The following UBR7 variants were observed in gnomAD, a reference collection of about 807,000 sequenced individuals.
UBR7 encodes the protein ubiquitin protein ligase E3 component n-recognin 7, also known as putative E3 ubiquitin-protein ligase UBR7.
A neutral mutation model predicts 57.0 loss-of-function variants in UBR7; 22 were observed. The ratio of observed to expected loss-of-function variants is 0.39; its 90% CI spans 0.28 to 0.55. The LOEUF is 0.55. Among genes scored for constraint, UBR7 ranks in the 20% least tolerant of loss-of-function variants. The pLI is 0.69. For synonymous variants in UBR7, 167 were observed against 179.8 expected (o/e 0.93, Z 0.57); for missense variants, 395 against 513.2 (o/e 0.77, Z 2.23).
chr14:93,224,076 A>AT, intron 10 of UBR7: 1 of 1,030,942 alleles, frequency 9.7e-7, no homozygotes, highest in Non-Finnish European at 1.5e-6. Context: ...GGTGTGTGGC[A>AT]TTTGGGGGTG....
intron 10 of UBR7, among the ~76,000 whole-genome samples, chr14:93,224,790 G>A (rs1894811959): frequency 6.6e-6 from 1 of 152,206 alleles, no homozygotes; most frequent in Non-Finnish European, 1.5e-5. Context: ...ATGTTCATGG[G>A]TGTAATGGGG....
chr14:93,213,083 A>C (rs1021416855), intron 4 of UBR7, among the ~76,000 whole-genome samples: 1 of 152,106 alleles, frequency 6.6e-6, no homozygotes, highest in African/African-American at 2.4e-5. Flanking sequence ...GGTTGCAGTA[A>C]GCTGGGATTG....
Position 93,220,363 on chromosome 14 carries a change from G to C in UBR7, c.1075G>C (p.Asp359His). The C allele has an allele frequency of 6.2e-7, 1 of 1,613,770 alleles. No individual in the cohort carries two copies. Among genetic ancestry groups the C allele is most frequent in the South Asian group, 1.1e-5 (1 of 91,068 alleles). ...QATDRSDPLMDTLSSMNRVQQ... is the reference protein window; with the variant it reads ...QATDRSDPLMHTLSSMNRVQQ... ...CACTGACAGGAGCGATCCCCTAATG[G>C]ATACCCTTAGCAGCATGAATAGAGT... The change falls in exon 9 of 11, where the codon GAT (aspartate) becomes CAT (histidine). Residue 359 changes from aspartate to histidine, a missense_variant. Transcript: ENST00000013070.
chr14:93,215,931 G>C (rs907826829), intron 6 of UBR7, among the ~76,000 whole-genome samples: 8 of 152,138 alleles, frequency 5.3e-5, no homozygotes, highest in Admixed American at 1.3e-4. Context: ...GTCTTAGTCT[G>C]TCTGGGGTGC....
chr14:93,218,381 A>T, intron 6 of UBR7, 146 bp from the exon 7 acceptor site: 1 of 732,892 alleles, frequency 1.4e-6, no homozygotes, highest in African/African-American at 1.8e-5. Context: ...ACTGCACTCC[A>T]GTGTGGACGA....
chr14:93,224,457 C>G (rs1472022431), intron 10 of UBR7, among the ~76,000 whole-genome samples: 2 of 147,926 alleles, frequency 1.4e-5, no homozygotes, highest in African/African-American at 2.5e-5. Flanking sequence ...CGGCTCACTG[C>G]AACCTGTGCC....
intron 6 of UBR7, among the ~76,000 whole-genome samples, chr14:93,215,911 A>T (rs1439631305): frequency 6.6e-6 from 1 of 152,088 alleles, no homozygotes; most frequent in Non-Finnish European, 1.5e-5. Flanking sequence ...TCAGTTGGGG[A>T]GGAGGTGGTG....
Position 93,228,190 on chromosome 14 carries a change from T to C in UBR7, c.*1155T>C. On this transcript the variant is annotated 3_prime_UTR_variant, in exon 11 of 11. Coordinates refer to ENST00000013070, the MANE Select transcript of UBR7 (RefSeq NM_175748.4). ...CCACTTCCCTAACGACTATGAGATC[T>C]TTTTTTTGAAGATCCTCATGGAAGG... 1 of 520,938 alleles carries C rather than the reference T, an allele frequency of 1.9e-6. No individual in the cohort carries two copies. The highest frequency in any genetic ancestry group is 3.7e-6 in the Non-Finnish European group (1 of 270,766). 32.3% of individuals were successfully genotyped at this position (520,938 alleles called of 1,614,324 possible).
At chr14:93,218,411 T>TAAA in intron 6 of UBR7, 116 bp from the exon 7 acceptor site, 46 of 811,620 alleles carry the variant, frequency 5.7e-5, no homozygotes, top group Admixed American at 7.7e-5. Context: ...ACTCTGTCTG[T>TAAA]AAAAAAAAAA....
intron 10 of UBR7, among the ~76,000 whole-genome samples, chr14:93,224,483 A>G (rs1373734127): frequency 1.4e-5 from 2 of 142,630 alleles, no homozygotes; most frequent in African/African-American, 2.7e-5. Context: ...GGTTCATGTC[A>G]TTCTCCTGCC....
intron 10 of UBR7, among the ~76,000 whole-genome samples, chr14:93,224,877 T>G (rs1158914641): frequency 6.6e-6 from 1 of 152,230 alleles, no homozygotes; most frequent in Non-Finnish European, 1.5e-5. Context: ...AGGCATGCCC[T>G]CTTGATGCTG....
Position 93,207,297 on chromosome 14 carries a change from C to G in UBR7, c.6C>G (p.Ala2=), listed in dbSNP as rs145467017. The part of the protein sequence containing the change: M[A]GAEGAAGRQS... ...TGTTCGGCTGACAGTTGAGGATGGC[C>G]GGAGCCGAGGGCGCCGCTGGGCGGC... is the stretch of plus-strand genomic sequence containing the variant. The change falls in exon 1 of 11, where the codon GCC becomes GCG. Residue 2 remains alanine, a synonymous_variant. Coordinates refer to ENST00000013070, the MANE Select transcript of UBR7 (RefSeq NM_175748.4). 4 of 1,554,716 alleles carry G rather than the reference C, an allele frequency of 2.6e-6. No homozygotes were observed. Among genetic ancestry groups the G allele is most frequent in the South Asian group, 1.2e-5 (1 of 84,476 alleles).
chr14:93,224,537 C>T (rs1227081231), intron 10 of UBR7, among the ~76,000 whole-genome samples: 3 of 151,966 alleles, frequency 2.0e-5, no homozygotes, highest in Non-Finnish European at 2.9e-5. Context: ...GCCACCACGC[C>T]CGGCTAATGT....
intron 10 of UBR7, among the ~76,000 whole-genome samples, chr14:93,222,797 A>T (rs1228408860): frequency 6.6e-6 from 1 of 152,062 alleles, no homozygotes; most frequent in Non-Finnish European, 1.5e-5. Flanking sequence ...GAATTCAGGG[A>T]CTGTTTTGAG....
Position 93,227,825 on chromosome 14 carries a change from C to T in UBR7, c.*790C>T, listed in dbSNP as rs1174144116. 1 of 700,852 alleles carries T rather than the reference C, an allele frequency of 1.4e-6. No individual in the cohort carries two copies. The highest frequency in any genetic ancestry group is 1.7e-5 in the African/African-American group (1 of 57,312). 43.4% of individuals were successfully genotyped at this position (700,852 alleles called of 1,614,324 possible). ...AGAACATTTGCCCGTATACTAGTCC[C>T]TTCTCTGCTGCCTAGAAAACAGACC... is the stretch of plus-strand genomic sequence containing the variant. On this transcript the variant is annotated 3_prime_UTR_variant, in exon 11 of 11. Transcript: ENST00000013070.
chr14:93,207,284 A>T lies in UBR7; in HGVS notation c.-8A>T. Reference sequence around the variant, plus strand: ...GGGGCCGAGCCGCTGTTCGGCTGACAGTTGAGGATGGCCGGAGCCGAGGGC... The same window carrying T: ...GGGGCCGAGCCGCTGTTCGGCTGACTGTTGAGGATGGCCGGAGCCGAGGGC... On this transcript the variant is annotated 5_prime_UTR_variant, in exon 1 of 11. Transcript: ENST00000013070. 1 of 1,552,814 alleles carries T rather than the reference A, an allele frequency of 6.4e-7. No individual in the cohort carries two copies. The highest frequency in any genetic ancestry group is 1.2e-5 in the South Asian group (1 of 84,330).
chr14:93,221,232 T>A (rs1344666052), intron 9 of UBR7, among the ~76,000 whole-genome samples: 1 of 151,774 alleles, frequency 6.6e-6, no homozygotes, highest in Non-Finnish European at 1.5e-5. Context: ...TGCCTCAGCC[T>A]CCCAAGTAGC....
chr14:93,220,114 C>A, intron 8 of UBR7, 135 bp from the exon 9 acceptor site: 1 of 829,858 alleles, frequency 1.2e-6, no homozygotes, highest in South Asian at 1.7e-5. Flanking sequence ...GTGTTAAAGA[C>A]GCTCCAGTTT....
At chr14:93,225,547 C>T (rs904234370) in intron 10 of UBR7, among the ~76,000 whole-genome samples, 5 of 151,942 alleles carry the variant, frequency 3.3e-5, no homozygotes, top group Middle Eastern at 6.9e-3. Context: ...ATCGGAGGAT[C>T]GCTTGAGCCC....
Sources: allele counts gnomAD v4.1 joint callset (sites outside exome capture counted in the v4.1 genomes callset), GRCh38; gene constraint gnomAD v4.1.1; transcripts MANE v1.5; gene names NCBI Gene and HGNC (gene_info 2026-07-23, HGNC 2026-07-21).